The following ROBO2 variants were observed in gnomAD, a reference collection of about 807,000 sequenced individuals.
ROBO2 encodes the protein roundabout homolog 2.
In ROBO2, 53 loss-of-function variants were observed where a neutral mutation model predicts 160.8. The observed-to-expected ratio is 0.33, with a 90% CI of 0.26 to 0.41. The LOEUF (loss-of-function observed/expected upper bound fraction) is 0.41, where lower values mean the gene tolerates loss of function less well. ROBO2 is among the 10% of genes least tolerant of loss of function. ROBO2 has a pLI of 1.00. For synonymous variants in ROBO2, 664 were observed against 611.7 expected, an observed-to-expected ratio of 1.09 and a Z score of -1.26; for missense variants, 1,577 against 1,722.4, an observed-to-expected ratio of 0.92 and a Z score of 1.49.
intron 2 of ROBO2, among the ~76,000 whole-genome samples, chr3:76,992,366 TA>T (rs1446813964): frequency 0.064 from 3,085 of 48,286 alleles, 96 homozygotes; most frequent in African/African-American, 0.089. Context: ...TATATATATA[TA>T]TAAATTTAGC....
chr3:76,596,833 A>C (rs1237629613), intron 2 of ROBO2, among the ~76,000 whole-genome samples: 2 of 152,160 alleles, frequency 1.3e-5, no homozygotes, highest in African/African-American at 4.8e-5. Flanking sequence ...TTATAATGCC[A>C]AATATTGTGT....
At chr3:76,183,591 C>T (rs1444382381) in intron 2 of ROBO2, among the ~76,000 whole-genome samples, 1 of 151,876 alleles carries the variant, frequency 6.6e-6, no homozygotes, top group Admixed American at 6.6e-5. Context: ...AAGTAAAGAG[C>T]TGTCATATTA....
chr3:77,363,681 C>A (rs2153470955), intron 2 of ROBO2, among the ~76,000 whole-genome samples: 1 of 152,310 alleles, frequency 6.6e-6, no homozygotes, highest in African/African-American at 2.4e-5. Context: ...CCAGACACTT[C>A]TTGGTCTCTC....
At chr3:77,026,996 A>G (rs943295069) in intron 2 of ROBO2, among the ~76,000 whole-genome samples, 1 of 152,200 alleles carries the variant, frequency 6.6e-6, no homozygotes, top group Non-Finnish European at 1.5e-5. Context: ...AGGTTAATGG[A>G]TTTTTAACTA....
intron 2 of ROBO2, among the ~76,000 whole-genome samples, chr3:77,028,581 A>G (rs181407358): frequency 6.6e-5 from 10 of 152,174 alleles, no homozygotes; most frequent in Middle Eastern, 3.4e-3. Context: ...CTAACTGGGC[A>G]TGGTGGTGTG....
At chr3:77,362,234 C>T (rs1186179322) in intron 2 of ROBO2, among the ~76,000 whole-genome samples, 1 of 152,046 alleles carries the variant, frequency 6.6e-6, no homozygotes, top group African/African-American at 2.4e-5. Flanking sequence ...ACATAGGGAC[C>T]ATGAAAATGG....
At chr3:75,940,055 T>C (rs148462676) in intron 2 of ROBO2, among the ~76,000 whole-genome samples, 310 of 152,262 alleles carry the variant, frequency 2.0e-3, no homozygotes, top group Non-Finnish European at 3.5e-3. Flanking sequence ...TTATTTCACA[T>C]AATTTCTTAA....
At chr3:77,117,404 A>G (rs781140957) in intron 2 of ROBO2, among the ~76,000 whole-genome samples, 3 of 152,158 alleles carry the variant, frequency 2.0e-5, no homozygotes, top group Non-Finnish European at 4.4e-5. Context: ...GTGAAATAAG[A>G]TTTGCAAAAT....
intron 2 of ROBO2, among the ~76,000 whole-genome samples, chr3:76,948,902 ATATATATTTTT>A (rs1304245425): frequency 0.11 from 4,632 of 41,302 alleles, 82 homozygotes; most frequent in Middle Eastern, 0.15. Flanking sequence ...ATATATATAT[ATATATATTTTT>A]TTTTTTTTTT....
rs141117514 is a variant in ROBO2, at chr3:77,478,019, G to A, written c.546+448G>A. Among the ~76,000 whole-genome samples the A allele has an allele frequency of 4.6e-3, 691 of 151,790 alleles. 3 individuals carry two copies. The highest frequency in any genetic ancestry group is 0.015 in the African/African-American group (619 of 41,386). ...TTTTTGTATTTTTTGTAGAGATGGG[G>A]TTTCACCATGTTGGCCAGGATGGTC... On this transcript the variant is annotated intron_variant, in intron 3 of 25. Transcript: ENST00000461745.
chr3:76,283,867 A>G (rs891049844), intron 2 of ROBO2, among the ~76,000 whole-genome samples: 28 of 152,000 alleles, frequency 1.8e-4, no homozygotes, highest in Non-Finnish European at 1.5e-5. Context: ...ATTTTATTAC[A>G]TGGGGTCTTC....
At chr3:76,807,018 G>A (rs1294489249) in intron 2 of ROBO2, among the ~76,000 whole-genome samples, 5 of 151,872 alleles carry the variant, frequency 3.3e-5, no homozygotes, top group Admixed American at 6.6e-5. Flanking sequence ...ATGACACTAC[G>A]TTTCTCTACA....
chr3:76,751,914 C>T (rs1383491410), intron 2 of ROBO2, among the ~76,000 whole-genome samples: 4 of 152,184 alleles, frequency 2.6e-5, no homozygotes, highest in Admixed American at 2.6e-4. Context: ...ACTAGAAATA[C>T]CATTTGACCC....
intron 2 of ROBO2, among the ~76,000 whole-genome samples, chr3:76,965,809 ATT>A (rs71104644): frequency 1.4e-5 from 2 of 140,626 alleles, no homozygotes; most frequent in Non-Finnish European, 3.1e-5. Context: ...ATATATATAT[ATT>A]TCTTTAATAT....
intron 2 of ROBO2, among the ~76,000 whole-genome samples, chr3:76,676,725 T>C (rs1183995771): frequency 6.6e-6 from 1 of 152,166 alleles, no homozygotes; most frequent in Non-Finnish European, 1.5e-5. Context: ...GAAATACACA[T>C]GGAAACATGC....
intron 2 of ROBO2, among the ~76,000 whole-genome samples, chr3:77,021,005 G>C (rs2062596940): frequency 6.6e-6 from 1 of 152,070 alleles, no homozygotes; most frequent in Admixed American, 6.5e-5. Context: ...AGGGGTTCAA[G>C]ACCAGTCTGG....
chr3:76,134,598 T>C (rs1048310018), intron 2 of ROBO2, among the ~76,000 whole-genome samples: 1 of 152,000 alleles, frequency 6.6e-6, no homozygotes, highest in Non-Finnish European at 1.5e-5. Flanking sequence ...TTTTCACCTG[T>C]ATGGAATGGC....
chr3:76,175,820 G>A (rs887793925), intron 2 of ROBO2, among the ~76,000 whole-genome samples: 1 of 152,026 alleles, frequency 6.6e-6, no homozygotes, highest in African/African-American at 2.4e-5. Context: ...CAGAAACCAG[G>A]GCCAGGAAAA....
At chr3:76,020,979 C>T (rs2066558778) in intron 2 of ROBO2, among the ~76,000 whole-genome samples, 1 of 151,814 alleles carries the variant, frequency 6.6e-6, no homozygotes, top group Non-Finnish European at 1.5e-5. Flanking sequence ...ACATCCTTTA[C>T]TTATGTTTTA....
Sources: gnomAD v4.1 joint callset for allele counts (sites outside exome capture counted in the v4.1 genomes callset) on GRCh38, gnomAD v4.1.1 for gene constraint, MANE v1.5 for transcripts, NCBI Gene and HGNC (gene_info 2026-07-23, HGNC 2026-07-21) for gene names.